The following ZNF277 variants were observed in gnomAD, a reference collection of about 807,000 sequenced individuals.
ZNF277 encodes zinc finger protein 277, also known as nuclear receptor-interacting factor 4.
A neutral mutation model predicts 60.7 loss-of-function variants in ZNF277; 55 were observed. That is an observed-to-expected ratio of 0.91 (90% confidence interval 0.73 to 1.13). The LOEUF (loss-of-function observed/expected upper bound fraction) is 1.13, where lower values mean the gene tolerates loss of function less well. Ranked by LOEUF, ZNF277 falls within the 50% of genes most tolerant of loss-of-function variation. The pLI is 0.00. For missense variants in ZNF277, 510 were observed against 523.0 expected (o/e 0.98, Z 0.24); for synonymous variants, 178 against 179.3 (o/e 0.99, Z 0.06).
chr7:112,314,397 C>T (rs577088780), intron 4 of ZNF277, among the ~76,000 whole-genome samples: 31 of 152,192 alleles, frequency 2.0e-4, no homozygotes, highest in African/African-American at 6.5e-4. Context: ...AGTTCAGAAC[C>T]GCTATTGAGA....
chr7:112,295,924 A>T lies in ZNF277; in HGVS notation c.349A>T (p.Ser117Cys), dbSNP rs1563219163. The T allele has an allele frequency of 6.2e-7, 1 of 1,612,976 alleles. No individual in the cohort carries two copies. Among genetic ancestry groups the T allele is most frequent in the Non-Finnish European group, 8.5e-7 (1 of 1,179,236 alleles). ...FTEQPITDFC[S>C]VIRINSTAPF... The stretch of plus-strand genomic sequence containing the variant: ...TGAACAGCCCATCACAGATTTTTGT[A>T]GTGTAATAAGAATTAATTCCACTGC... Residue 117 changes from serine (S) to cysteine (C), a missense_variant, in exon 3 of 12, where the codon AGT becomes TGT. Transcript: ENST00000361822.
Position 112,286,841 on chromosome 7 carries a change from C to CTTTTTTTTTTTTTT in ZNF277, c.92-26_92-13dup, listed in dbSNP as rs10710470. 2.0e-4 allele frequency: 194 copies of CTTTTTTTTTTTTTT among 952,406 alleles called. 6 individuals carry two copies. The highest frequency in any genetic ancestry group is 1.6e-3 in the African/African-American group (56 of 35,744). 59.0% of individuals were successfully genotyped at this position (952,406 alleles called of 1,614,324 possible). On this transcript the variant is annotated intron_variant, in intron 1 of 11. Coordinates refer to ENST00000361822, the MANE Select transcript of ZNF277 (RefSeq NM_021994.3). ...AGTTGGTTTCAGCTTTTCTTTCTTT[C>CTTTTTTTTTTTTTT]TTTTTTTTTTTTTTTTTTTGGTCTA...
intron 1 of ZNF277, among the ~76,000 whole-genome samples, chr7:112,232,292 G>A (rs1822361430): frequency 6.6e-6 from 1 of 152,018 alleles, no homozygotes; most frequent in African/African-American, 2.4e-5. Flanking sequence ...GACAACCGAA[G>A]AAACCCTGTG....
intron 1 of ZNF277, among the ~76,000 whole-genome samples, chr7:112,222,470 A>G (rs1822056956): frequency 6.6e-6 from 1 of 152,182 alleles, no homozygotes; most frequent in Non-Finnish European, 1.5e-5. Flanking sequence ...ATTTATTGCC[A>G]TATAATTGCT....
chr7:112,334,526 C>T (rs11981016), intron 7 of ZNF277, among the ~76,000 whole-genome samples: 1 of 151,160 alleles, frequency 6.6e-6, no homozygotes, highest in South Asian at 2.1e-4. Flanking sequence ...TCCTAATATA[C>T]TGATAAACAT....
In ZNF277 at chr7:112,222,333, G is replaced by A. The variant is rs775159525; in HGVS notation, c.91+15526G>A. Among the ~76,000 whole-genome samples, 7 of 152,172 alleles carry A rather than the reference G, an allele frequency of 4.6e-5. No homozygotes were observed. In the East Asian group the frequency reaches 5.8e-4, roughly 13 times the overall value. On this transcript the variant is annotated intron_variant, in intron 1 of 11. Coordinates refer to ENST00000361822, the MANE Select transcript of ZNF277 (RefSeq NM_021994.3). ...TAGGTCTTGGGCTTTTCTTTCATGG[G>A]AAAGCTTTTGTTACTGAATTAATCT...
intron 1 of ZNF277, among the ~76,000 whole-genome samples, chr7:112,275,703 C>T (rs1403999050): frequency 6.6e-6 from 1 of 152,148 alleles, no homozygotes; most frequent in Non-Finnish European, 1.5e-5. Context: ...CAAAAAGCTG[C>T]TTCCACATCG....
chr7:112,237,101 A>G (rs1790815540), intron 1 of ZNF277, among the ~76,000 whole-genome samples: 1 of 152,156 alleles, frequency 6.6e-6, no homozygotes, highest in Non-Finnish European at 1.5e-5. Flanking sequence ...ACACAAATAT[A>G]TGGGAATTAA....
At chr7:112,313,002 G>C (rs1221486238) in intron 4 of ZNF277, among the ~76,000 whole-genome samples, 1 of 151,902 alleles carries the variant, frequency 6.6e-6, no homozygotes. Flanking sequence ...TATCTTTGTT[G>C]TTATTTTAAG....
At chr7:112,289,713 C>T (rs1482553040) in intron 2 of ZNF277, among the ~76,000 whole-genome samples, 2 of 152,054 alleles carry the variant, frequency 1.3e-5, no homozygotes, top group Admixed American at 6.6e-5. Flanking sequence ...TTTCCTAAGG[C>T]TTCTATTAGT....
chr7:112,225,305 T>A (rs1422260524), intron 1 of ZNF277, among the ~76,000 whole-genome samples: 1 of 152,222 alleles, frequency 6.6e-6, no homozygotes, highest in Non-Finnish European at 1.5e-5. Flanking sequence ...GTCATTACAG[T>A]TGCCCATATG....
chr7:112,228,143 C>T (rs1822224439), intron 1 of ZNF277, among the ~76,000 whole-genome samples: 1 of 151,996 alleles, frequency 6.6e-6, no homozygotes, highest in African/African-American at 2.4e-5. Flanking sequence ...CAGTCTCTGC[C>T]TCCATCTTCA....
At chr7:112,258,274 T>G (rs1444695463) in intron 1 of ZNF277, among the ~76,000 whole-genome samples, 2 of 152,204 alleles carry the variant, frequency 1.3e-5, no homozygotes, top group Middle Eastern at 3.4e-3. Flanking sequence ...CAGAAGCCTT[T>G]TTTTTTGCTT....
intron 5 of ZNF277, among the ~76,000 whole-genome samples, chr7:112,323,603 C>A (rs1260902305): frequency 2.0e-5 from 3 of 152,142 alleles, no homozygotes; most frequent in Admixed American, 2.0e-4. Context: ...TGGAATGGGG[C>A]AAATTAAAAC....
chr7:112,239,361 GCTGA>G (rs146866828), intron 1 of ZNF277, among the ~76,000 whole-genome samples: 14,675 of 152,168 alleles, frequency 0.096, 904 homozygotes, highest in East Asian at 0.16. Context: ...ATTTATTACT[GCTGA>G]CTAAGGAGCC....
At chr7:112,263,650 C>G (rs1776790554) in intron 1 of ZNF277, among the ~76,000 whole-genome samples, 2 of 152,132 alleles carry the variant, frequency 1.3e-5, no homozygotes, top group African/African-American at 4.8e-5. Flanking sequence ...ACATGCTGTT[C>G]ATTTGCATTT....
chr7:112,208,997 A>C lies in ZNF277; in HGVS notation c.91+2190A>C, dbSNP rs537265926. Among the ~76,000 whole-genome samples, 99 of 152,264 alleles carry C rather than the reference A, an allele frequency of 6.5e-4. 4 individuals carry two copies. The South Asian group carries it at 0.02, about 31-fold the overall frequency. On this transcript the variant is annotated intron_variant, in intron 1 of 11. Transcript: ENST00000361822. ...CCCGGCCTATGATTTGATTTTTATA[A>C]TAAAAAGGGATAAATCTATATAAAC...
At chr7:112,319,950 C>G (rs544152384) in intron 5 of ZNF277, among the ~76,000 whole-genome samples, 1 of 151,998 alleles carries the variant, frequency 6.6e-6, no homozygotes, top group South Asian at 2.1e-4. Flanking sequence ...AACATTACTA[C>G]TGACAATGTT....
intron 5 of ZNF277, among the ~76,000 whole-genome samples, chr7:112,323,543 G>A (rs1793033221): frequency 6.6e-6 from 1 of 152,188 alleles, no homozygotes; most frequent in African/African-American, 2.4e-5. Context: ...CCTTCCAGTG[G>A]CTGTGAGCCT....
Sources: allele counts gnomAD v4.1 joint callset (sites outside exome capture counted in the v4.1 genomes callset), GRCh38; gene constraint gnomAD v4.1.1; transcripts MANE v1.5; gene names NCBI Gene and HGNC (gene_info 2026-07-23, HGNC 2026-07-21).